The following XRCC4 variants were observed in gnomAD, a reference collection of about 807,000 sequenced individuals.
XRCC4 encodes X-ray repair cross complementing 4.
In XRCC4, 28 loss-of-function variants were observed where a neutral mutation model predicts 39.1. The observed-to-expected ratio is 0.72, with a 90% CI of 0.53 to 0.98. The LOEUF (loss-of-function observed/expected upper bound fraction) is 0.98. Ranked by LOEUF, XRCC4 falls within the 50% of genes least tolerant of loss-of-function variation. The pLI, the probability that XRCC4 is intolerant of heterozygous loss-of-function variation, is 0.00. For synonymous variants in XRCC4, 123 were observed against 126.4 expected (o/e 0.97, Z 0.18); for missense variants, 350 against 376.4 (o/e 0.93, Z 0.58).
At chr5:83,353,053 T>C in intron 7 of XRCC4, 78 bp from the exon 8 acceptor site, 2 of 1,130,166 alleles carry the variant, frequency 1.8e-6, no homozygotes, top group East Asian at 2.5e-5. Flanking sequence ...ATTTCACTTA[T>C]GTGTCTCTTC....
At chr5:83,275,454 C>T (rs1241455282) in intron 7 of XRCC4, among the ~76,000 whole-genome samples, 2 of 151,768 alleles carry the variant, frequency 1.3e-5, no homozygotes, top group Non-Finnish European at 2.9e-5. Context: ...GCCACTACGC[C>T]CGGCTAATTT....
At chr5:83,242,086 T>A (rs200551093) in intron 6 of XRCC4, among the ~76,000 whole-genome samples, 7 of 146,432 alleles carry the variant, frequency 4.8e-5, no homozygotes, top group South Asian at 2.2e-4. Context: ...AACTTTTATT[T>A]AAAAAAAAAA....
intron 6 of XRCC4, among the ~76,000 whole-genome samples, chr5:83,253,001 A>G (rs1488725960): frequency 1.3e-5 from 2 of 152,220 alleles, no homozygotes; most frequent in Non-Finnish European, 2.9e-5. Context: ...GATTGTATGT[A>G]TAAGATGAGT....
chr5:83,134,794 C>CA (rs1747804705), intron 3 of XRCC4, among the ~76,000 whole-genome samples: 1 of 152,136 alleles, frequency 6.6e-6, no homozygotes, highest in Non-Finnish European at 1.5e-5. Context: ...CTGTAACACT[C>CA]ACTGCGAAGT....
intron 7 of XRCC4, among the ~76,000 whole-genome samples, chr5:83,277,569 G>A (rs945595506): frequency 2.0e-5 from 3 of 152,188 alleles, no homozygotes; most frequent in African/African-American, 7.2e-5. Context: ...GGGTTACAGA[G>A]ACATCTAAAT....
At chr5:83,171,694 G>A (rs1224442928) in intron 3 of XRCC4, among the ~76,000 whole-genome samples, 1 of 152,082 alleles carries the variant, frequency 6.6e-6, no homozygotes, top group African/African-American at 2.4e-5. Context: ...GCCCTAGCCT[G>A]GAAAATAAAG....
rs10051218 is a variant in XRCC4, at chr5:83,183,586, G to C, written c.316-12184G>C. ...TTTGAGTATCCGCCAGTTTCTGTCT[G>C]CTTTTGGTGATTTTCCAGTCCCTTG... is the stretch of plus-strand genomic sequence containing the variant. On this transcript the variant is annotated intron_variant, in intron 3 of 7. Coordinates refer to ENST00000396027, the MANE Select transcript of XRCC4 (RefSeq NM_003401.5). Among the ~76,000 whole-genome samples, 472 of 152,092 alleles carry C rather than the reference G, an allele frequency of 3.1e-3. 2 individuals carry two copies. The highest frequency in any genetic ancestry group is 0.011 in the African/African-American group (450 of 41,486).
intron 6 of XRCC4, among the ~76,000 whole-genome samples, chr5:83,229,132 A>G (rs1210461468): frequency 1.3e-5 from 2 of 152,016 alleles, no homozygotes; most frequent in African/African-American, 4.8e-5. Context: ...TAGACTTTCC[A>G]CTTCTCTTGA....
At position 83,301,269 on chromosome 5, in the gene XRCC4, A is replaced by G. The variant is rs1280339968; in HGVS notation, c.893+42592A>G. On this transcript the variant is annotated intron_variant, in intron 7 of 7. Transcript: ENST00000396027. ...GTTTCCTGACTTTTTAATGATCACC[A>G]TTCTTACTGGCGTGAGATGGTATCT... Among the ~76,000 whole-genome samples the G allele has an allele frequency of 2.0e-5, 3 of 152,156 alleles. No individual in the cohort carries two copies. In the East Asian group the frequency reaches 5.8e-4, roughly 29 times the overall value.
intron 7 of XRCC4, among the ~76,000 whole-genome samples, chr5:83,331,837 G>A (rs976053439): frequency 6.6e-5 from 10 of 151,934 alleles, no homozygotes; most frequent in African/African-American, 2.2e-4. Flanking sequence ...TAAAATAATC[G>A]CTTCATCATA....
At chr5:83,280,383 A>G in intron 7 of XRCC4, 1 of 552,964 alleles carries the variant, frequency 1.8e-6, no homozygotes, top group South Asian at 2.2e-5. Context: ...AATGTCTTAA[A>G]ATTCTTCTCT....
intron 3 of XRCC4, among the ~76,000 whole-genome samples, chr5:83,164,305 G>C (rs187566336): frequency 2.0e-5 from 3 of 152,072 alleles, no homozygotes; most frequent in Admixed American, 2.0e-4. Flanking sequence ...TGCCTCAGAG[G>C]AATTTTTGTT....
chr5:83,337,433 C>A (rs1001812512), intron 7 of XRCC4, among the ~76,000 whole-genome samples: 2 of 152,118 alleles, frequency 1.3e-5, no homozygotes, highest in African/African-American at 2.4e-5. Context: ...TCAGAAAGGG[C>A]AACTTTGTGC....
chr5:83,328,688 C>T (rs1244760517), intron 7 of XRCC4, among the ~76,000 whole-genome samples: 2 of 151,904 alleles, frequency 1.3e-5, no homozygotes, highest in Non-Finnish European at 2.9e-5. Context: ...CTAAGAATAA[C>T]CAAAGCAATT....
chr5:83,356,218 T>C (rs1757188623), downstream of XRCC4, among the ~76,000 whole-genome samples: 1 of 152,144 alleles, frequency 6.6e-6, no homozygotes, highest in South Asian at 2.1e-4. Context: ...CTTTCCAAAG[T>C]GATTTTGTAT....
intron 7 of XRCC4, among the ~76,000 whole-genome samples, chr5:83,269,685 C>G (rs2112925810): frequency 6.6e-6 from 1 of 151,812 alleles, no homozygotes; most frequent in East Asian, 1.9e-4. Context: ...CAATAATTAC[C>G]AAGTAAATGA....
At chr5:83,174,076 C>T (rs975997674) in intron 3 of XRCC4, among the ~76,000 whole-genome samples, 2 of 152,170 alleles carry the variant, frequency 1.3e-5, no homozygotes, top group Non-Finnish European at 2.9e-5. Context: ...AGCTACCGTG[C>T]TAAGAAGGGG....
At chr5:83,374,060 G>A in the XRCC4 span, among the ~76,000 whole-genome samples, 4 of 152,282 alleles carry the variant, frequency 2.6e-5, no homozygotes, top group East Asian at 7.7e-4. Flanking sequence ...GTATTAACCT[G>A]TGATCCTAAA....
At chr5:83,358,566 G>C (rs553406407), downstream of XRCC4, among the ~76,000 whole-genome samples, 2 of 152,204 alleles carry the variant, frequency 1.3e-5, no homozygotes, top group Admixed American at 1.3e-4. Flanking sequence ...GGGAAGTAAA[G>C]AGAGATTAGA....
Sources: gnomAD v4.1 joint callset for allele counts (sites outside exome capture counted in the v4.1 genomes callset) on GRCh38, gnomAD v4.1.1 for gene constraint, MANE v1.5 for transcripts, NCBI Gene and HGNC (gene_info 2026-07-23, HGNC 2026-07-21) for gene names.